The following H6PD variants were observed in gnomAD, a reference collection of about 807,000 sequenced individuals.
H6PD encodes the protein hexose-6-phosphate dehydrogenase/glucose 1-dehydrogenase, also known as GDH/6PGL endoplasmic bifunctional protein.
A neutral mutation model predicts 61.2 loss-of-function variants in H6PD; 48 were observed. The observed-to-expected ratio is 0.78, with a 90% CI of 0.62 to 1.00. H6PD has a LOEUF of 1.00. H6PD is among the 50% of genes least tolerant of loss of function. The pLI, the probability that H6PD is intolerant of heterozygous loss-of-function variation, is 0.00. For missense variants in H6PD, 1,093 were observed against 1,065.0 expected, an observed-to-expected ratio of 1.03 and a Z score of -0.37; for synonymous variants, 480 against 457.9, an observed-to-expected ratio of 1.05 and a Z score of -0.62.
rs1247990681 is a variant in H6PD, at chr1:9,263,544, G to T, written c.1051G>T (p.Gly351Cys). ...LVHIDNLRWE[G>C]VPFILMSGKA... ...GCACATTGACAACCTTCGCTGGGAG[G>T]GCGTGCCTTTCATCCTGATGTCTGG... Residue 351 changes from glycine to cysteine, a missense_variant, in exon 5 of 5, where the codon GGC becomes TGC. Gly to Cys is a radical substitution (Grantham distance 159). Transcript: ENST00000377403. 3.7e-6 allele frequency: 6 copies of T among 1,614,078 alleles called. No homozygotes were observed. In the African/African-American group the frequency reaches 5.3e-5, roughly 14 times the overall value.
At chr1:9,252,819 C>T (rs1422885867) in intron 3 of H6PD, among the ~76,000 whole-genome samples, 1 of 152,118 alleles carries the variant, frequency 6.6e-6, no homozygotes, top group Non-Finnish European at 1.5e-5. Flanking sequence ...CAGCCATGGC[C>T]CCCCTGCTTT....
chr1:9,245,589 G>T lies in H6PD; in HGVS notation c.627+28G>T. On this transcript the variant is annotated intron_variant, in intron 2 of 4. Coordinates refer to ENST00000377403, the MANE Select transcript of H6PD (RefSeq NM_004285.4). The surrounding 1 kb of genome is among the most constrained non-coding windows in gnomAD (Gnocchi z 4.8). ...GAGCATCAGCATGGAGCCTGCCAGG[G>T]CTAGGGTGAGCTGGGCGCTGGTAGA... 1 of 1,610,952 alleles carries T rather than the reference G, an allele frequency of 6.2e-7. No individual in the cohort carries two copies. Among genetic ancestry groups the T allele is most frequent in the Non-Finnish European group, 8.5e-7 (1 of 1,177,254 alleles).
chr1:9,240,042 G>C, intron 1 of H6PD: 1 of 1,222,504 alleles, frequency 8.2e-7, no homozygotes, highest in Non-Finnish European at 1.0e-6. Context: ...AGGATGACTC[G>C]TAGGAGCCTC....
intron 3 of H6PD, among the ~76,000 whole-genome samples, chr1:9,247,435 C>T (rs746384365): frequency 2.0e-5 from 3 of 152,164 alleles, no homozygotes; most frequent in Non-Finnish European, 2.9e-5. Context: ...TGCTTGCAGC[C>T]GTGGCGCCCC....
At chr1:9,253,625 G>C (rs1204292841) in intron 3 of H6PD, among the ~76,000 whole-genome samples, 1 of 152,200 alleles carries the variant, frequency 6.6e-6, no homozygotes, top group Non-Finnish European at 1.5e-5. Flanking sequence ...TTTCAGGTTT[G>C]ATGAAATCCA....
chr1:9,240,008 C>A, intron 1 of H6PD: 2 of 1,231,222 alleles, frequency 1.6e-6, no homozygotes, highest in African/African-American at 3.1e-5. Context: ...GTTAGCAGAG[C>A]CTTTTAACTG....
Position 9,263,515 on chromosome 1 carries a change from T to C in H6PD, c.1022T>C (p.Leu341Pro), listed in dbSNP as rs1288513085. Residue 341 changes from leucine to proline, a missense_variant, in exon 5 of 5, where the codon CTA becomes CCA. Leu to Pro is a moderately conservative substitution (Grantham distance 98). Coordinates refer to ENST00000377403, the MANE Select transcript of H6PD (RefSeq NM_004285.4). ...HSLTPTFAAV[L>P]VHIDNLRWEG... The stretch of plus-strand genomic sequence containing the variant: ...TGCTGTTCCCTCACCCCAGCCGTCC[T>C]AGTGCACATTGACAACCTTCGCTGG... 6.2e-7 allele frequency: 1 copy of C among 1,614,122 alleles called. No homozygotes were observed. Among genetic ancestry groups the C allele is most frequent in the East Asian group, 2.2e-5 (1 of 44,876 alleles).
rs1638606717 is a variant in H6PD at position 9,267,485 on chromosome 1, A to G, written c.*2616A>G. The stretch of plus-strand genomic sequence containing the variant: ...CATGCCCAAGTACCCCTGCAGGATG[A>G]AGGGCAGGCCGGCCCTTGATGTGCC... On this transcript the variant is annotated 3_prime_UTR_variant, in exon 5 of 5. Transcript: ENST00000377403. The G allele has an allele frequency of 6.6e-6, 1 of 152,282 alleles. No homozygotes were observed. Among genetic ancestry groups the G allele is most frequent in the Admixed American group, 6.5e-5 (1 of 15,294 alleles). 9.4% of individuals were successfully genotyped at this position (152,282 alleles called of 1,614,324 possible).
rs1386673581 is a variant in H6PD, at chr1:9,246,996, C to T, written c.658C>T (p.Gln220Ter). 1.2e-6 allele frequency: 2 copies of T among 1,613,950 alleles called. No individual in the cohort carries two copies. Among genetic ancestry groups the T allele is most frequent in the Middle Eastern group, 1.6e-4 (1 of 6,062 alleles). ...GGCGCAGATCCTGCCTTTCCGAGAC[C>T]AGAACCGCAAGGCTTTGGACGGCCT... is the stretch of plus-strand genomic sequence containing the variant. ...AVAQILPFRDQNRKALDGLWN... is the reference protein window; with the variant it reads ...AVAQILPFRD The change falls in exon 3 of 5, where the codon CAG becomes TAG. Residue 220 changes from glutamine to a stop codon, truncating the protein, a stop_gained. Transcript: ENST00000377403. LOFTEE classifies it high-confidence loss of function.
chr1:9,248,792 C>T (rs72855967), intron 3 of H6PD, among the ~76,000 whole-genome samples: 4,898 of 152,264 alleles, frequency 0.032, 234 homozygotes, highest in African/African-American at 0.11. Flanking sequence ...TCAGAACCCA[C>T]AGCAGAAAAG....
chr1:9,247,564 A>C (rs1641220558), intron 3 of H6PD, among the ~76,000 whole-genome samples: 1 of 149,344 alleles, frequency 6.7e-6, no homozygotes, highest in Non-Finnish European at 1.5e-5. Flanking sequence ...CACTCCCCTC[A>C]CCCTCACGGC....
chr1:9,248,641 A>G (rs2100341231), intron 3 of H6PD, among the ~76,000 whole-genome samples: 1 of 142,564 alleles, frequency 7.0e-6, no homozygotes, highest in East Asian at 2.3e-4. Flanking sequence ...TGAAAAAGAA[A>G]ACAAAATGGG....
At chr1:9,256,362 C>A (rs1441169352) in intron 3 of H6PD, among the ~76,000 whole-genome samples, 4 of 152,240 alleles carry the variant, frequency 2.6e-5, no homozygotes, top group African/African-American at 9.6e-5. Flanking sequence ...GAGCTGCACC[C>A]TCTAGCTCCT....
Position 9,235,008 on chromosome 1 carries a change from C to G in H6PD, c.-69C>G, listed in dbSNP as rs1162662861. 6.8e-6 allele frequency: 1 copy of G among 148,110 alleles called. No homozygotes were observed. Among genetic ancestry groups the G allele is most frequent in the Non-Finnish European group, 1.5e-5 (1 of 66,260 alleles). 9.2% of individuals were successfully genotyped at this position (148,110 alleles called of 1,614,324 possible). A position where few individuals can be genotyped will look rare whatever the true frequency, so the allele number is the denominator to read the frequency against. On this transcript the variant is annotated 5_prime_UTR_variant, in exon 1 of 5. Coordinates refer to ENST00000377403, the MANE Select transcript of H6PD (RefSeq NM_004285.4). Reference sequence around the variant, plus strand: ...GGGAGCCCTCGGGAGCGGGCCCGGCCCTCAGCGCCGCCCCGGCCGTGTCCC... The same window carrying G: ...GGGAGCCCTCGGGAGCGGGCCCGGCGCTCAGCGCCGCCCCGGCCGTGTCCC...
chr1:9,251,711 G>A (rs1056753192), intron 3 of H6PD, among the ~76,000 whole-genome samples: 8 of 151,950 alleles, frequency 5.3e-5, no homozygotes, highest in Non-Finnish European at 7.4e-5. Flanking sequence ...TCCCCTTCCC[G>A]CCCCCTCTGC....
At chr1:9,262,929 T>C (rs1267903847) in intron 4 of H6PD, among the ~76,000 whole-genome samples, 3 of 152,172 alleles carry the variant, frequency 2.0e-5, no homozygotes, top group African/African-American at 7.2e-5. Context: ...TAAGGCTCGG[T>C]GAAGTCGTCA....
chr1:9,255,651 G>T (rs1396648808), intron 3 of H6PD, among the ~76,000 whole-genome samples: 1 of 152,158 alleles, frequency 6.6e-6, no homozygotes, highest in Non-Finnish European at 1.5e-5. Context: ...GGGAAGAATT[G>T]TCTTTTTACA....
chr1:9,250,132 G>A lies in H6PD; in HGVS notation c.745+3049G>A, dbSNP rs117517900. 5.9e-3 allele frequency among the ~76,000 whole-genome samples: 898 copies of A among 152,260 alleles called. 17 individuals carry two copies. Among genetic ancestry groups the A allele is most frequent in the East Asian group, 0.05 (260 of 5,176 alleles). ...CACCGCAGACCTGCAGCACACCCCA[G>A]CATGGCCAGGAGCCCTGTGCCCAGC... On this transcript the variant is annotated intron_variant, in intron 3 of 4. Coordinates refer to ENST00000377403, the MANE Select transcript of H6PD (RefSeq NM_004285.4).
In H6PD at chr1:9,245,849, C is replaced by G. The variant is rs2100331464; in HGVS notation, c.627+288C>G. ...TGGCTTCTCACGGTTGCCCTGCATC[C>G]CCTGTAGCGGTGGCTCAGCAACTCT... On this transcript the variant is annotated intron_variant, in intron 2 of 4. Coordinates refer to ENST00000377403, the MANE Select transcript of H6PD (RefSeq NM_004285.4). The surrounding 1 kb of genome is among the most constrained non-coding windows in gnomAD (Gnocchi z 4.8). 6.6e-6 allele frequency among the ~76,000 whole-genome samples: 1 copy of G among 152,266 alleles called. No homozygotes were observed. The highest frequency in any genetic ancestry group is 2.1e-4 in the South Asian group (1 of 4,814).
Sources: gnomAD v4.1 joint callset for allele counts (sites outside exome capture counted in the v4.1 genomes callset) on GRCh38, gnomAD v4.1.1 for gene constraint, Gnocchi (gnomAD v3.1) non-coding constraint, MANE v1.5 for transcripts, NCBI Gene and HGNC (gene_info 2026-07-23, HGNC 2026-07-21) for gene names.